The following SACS variants were observed in gnomAD, a reference collection of about 807,000 sequenced individuals.
The protein encoded by SACS is sacsin molecular chaperone.
In SACS, 197 loss-of-function variants were observed where a neutral mutation model predicts 348.0. The ratio of observed to expected loss-of-function variants is 0.57; its 90% CI spans 0.50 to 0.64. The LOEUF is 0.64. Ranked by LOEUF, SACS falls within the 30% of genes least tolerant of loss-of-function variation. The probability of loss-of-function intolerance (pLI) is 0.00; values close to 1 mark genes in which losing one functional copy is unlikely to be tolerated. For missense variants in SACS, 4,999 were observed against 5,360.8 expected (o/e 0.93, Z 2.11); for synonymous variants, 1,985 against 1,910.6 (o/e 1.04, Z -1.02).
chr13:23,356,487 A>C (rs1417992782), intron 7 of SACS, among the ~76,000 whole-genome samples: 1 of 152,242 alleles, frequency 6.6e-6, no homozygotes, highest in African/African-American at 2.4e-5. Flanking sequence ...CATTCCCTCA[A>C]GGGGTCTTAA....
intron 2 of SACS, among the ~76,000 whole-genome samples, chr13:23,382,196 C>G (rs1001222938): frequency 3.3e-5 from 5 of 152,256 alleles, no homozygotes; most frequent in Admixed American, 3.3e-4. Flanking sequence ...CTTTGTTGCC[C>G]AGGCTGGAGT....
At chr13:23,362,991 C>A (rs939983499) in intron 6 of SACS, among the ~76,000 whole-genome samples, 5 of 151,544 alleles carry the variant, frequency 3.3e-5, no homozygotes, top group Admixed American at 6.6e-5. Flanking sequence ...CTCACTGCAA[C>A]CTCTGCCTCC....
In SACS at chr13:23,354,837, T is replaced by C. The variant is rs140648928; in HGVS notation, c.1775A>G (p.Asn592Ser). The C allele has an allele frequency of 1.5e-5, 24 of 1,614,242 alleles. No individual in the cohort carries two copies. Among genetic ancestry groups the C allele is most frequent in the African/African-American group, 4.0e-5 (3 of 75,060 alleles). The change falls in exon 8 of 10, where the codon AAC (asparagine) becomes AGC (serine). Residue 592 changes from asparagine to serine, a missense_variant. Physicochemically the swap from Asn to Ser is conservative, Grantham distance 46. Transcript: ENST00000382292. ...ENLEYTKTVL[N>S]YLQSSGKQIA... ...CTGCTTCCCTGAGCTCTGGAGGTAG[T>C]TGAGCACAGTTTTTGTGTATTCTAA...
intron 5 of SACS, among the ~76,000 whole-genome samples, chr13:23,367,233 C>G (rs1379762831): frequency 6.6e-6 from 1 of 152,206 alleles, no homozygotes; most frequent in Non-Finnish European, 1.5e-5. Context: ...TTTTTGAATT[C>G]GCTTTCTGTG....
chr13:23,359,282 T>A (rs922338755), intron 6 of SACS, among the ~76,000 whole-genome samples: 4 of 152,206 alleles, frequency 2.6e-5, no homozygotes, highest in African/African-American at 9.7e-5. Context: ...CATTTTACTA[T>A]ACACACACAC....
chr13:23,356,645 C>A (rs1209868569), intron 7 of SACS, among the ~76,000 whole-genome samples: 1 of 152,188 alleles, frequency 6.6e-6, no homozygotes, highest in Non-Finnish European at 1.5e-5. Context: ...CAACCAAGGA[C>A]AGAGTAGTAT....
intron 9 of SACS, among the ~76,000 whole-genome samples, chr13:23,347,008 T>C (rs1475832043): frequency 6.6e-6 from 1 of 152,180 alleles, no homozygotes; most frequent in Non-Finnish European, 1.5e-5. Context: ...AATACACATC[T>C]AAGATTTAAA....
chr13:23,428,500 G>C (rs1373695110), intron 1 of SACS: 1 of 152,152 alleles, frequency 6.6e-6, no homozygotes, highest in Non-Finnish European at 1.5e-5. Flanking sequence ...ACCTGTGTTG[G>C]CATAGTGTGC....
At chr13:23,388,518 T>C (rs9552940) in intron 2 of SACS, among the ~76,000 whole-genome samples, 23,909 of 144,034 alleles carry the variant, frequency 0.17, 2,205 homozygotes, top group South Asian at 0.32. Context: ...TACACACACA[T>C]ACCACAGGCT....
In SACS at chr13:23,341,051, G is replaced by A. The variant is rs754478487; in HGVS notation, c.2825C>T (p.Thr942Ile). The A allele has an allele frequency of 9.9e-6, 16 of 1,614,018 alleles. No homozygotes were observed. The highest frequency in any genetic ancestry group is 1.4e-5 in the Non-Finnish European group (16 of 1,179,964). The change falls in exon 10 of 10, where the codon ACA (threonine) becomes ATA (isoleucine). Residue 942 changes from threonine to isoleucine, a missense_variant. Physicochemically the swap from Thr to Ile is moderately conservative, Grantham distance 89. Coordinates refer to ENST00000382292, the MANE Select transcript of SACS (RefSeq NM_014363.6). ...HSSDQGISSY[T>I]KLKGCKVLHH... ...TAAGACTTTACAACCTTTCAATTTT[G>A]TATAAGAGGAAATTCCCTGATCAGA...
intron 1 of SACS, among the ~76,000 whole-genome samples, chr13:23,416,143 A>G (rs1237858374): frequency 6.6e-6 from 1 of 151,880 alleles, no homozygotes; most frequent in Non-Finnish European, 1.5e-5. Flanking sequence ...TTAGCCGGGC[A>G]TGGTGGTGTG....
chr13:23,392,837 C>A (rs992939380), intron 2 of SACS, among the ~76,000 whole-genome samples: 3 of 152,158 alleles, frequency 2.0e-5, no homozygotes, highest in East Asian at 3.8e-4. Context: ...AAGACAGGCC[C>A]TTCTCTCCCC....
chr13:23,370,759 T>A (rs1326541473), intron 4 of SACS, among the ~76,000 whole-genome samples: 3 of 152,144 alleles, frequency 2.0e-5, no homozygotes, highest in Admixed American at 2.0e-4. Context: ...GGTCAGGAGT[T>A]CAAGACCAGC....
At chr13:23,396,590 G>A (rs1051726353) in intron 2 of SACS, among the ~76,000 whole-genome samples, 3 of 152,046 alleles carry the variant, frequency 2.0e-5, no homozygotes, top group Admixed American at 2.0e-4. Context: ...AAGAACAAAT[G>A]TGTAAGTAAA....
chr13:23,338,451 A>T lies in SACS; in HGVS notation c.5425T>A (p.Ser1809Thr). The change falls in exon 10 of 10, where the codon TCA becomes ACA. Residue 1809 changes from serine to threonine, a missense_variant. Ser to Thr is a moderately conservative substitution (Grantham distance 58). Transcript: ENST00000382292. Reference sequence around the variant, plus strand: ...GTGGTACACTCTACTGTTTTCTGTGACAACTCATCTGATGGCTTTTTTGAT... The same window carrying T: ...GTGGTACACTCTACTGTTTTCTGTGTCAACTCATCTGATGGCTTTTTTGAT... ...GQSKKPSDEL[S>T]QKTVECTTWL... The T allele has an allele frequency of 1.9e-6, 3 of 1,614,174 alleles. No individual in the cohort carries two copies. The highest frequency in any genetic ancestry group is 2.5e-6 in the Non-Finnish European group (3 of 1,180,020).
In SACS at chr13:23,355,984, C is replaced by T; in HGVS notation, c.628G>A (p.Asp210Asn). The T allele has an allele frequency of 6.2e-7, 1 of 1,613,584 alleles. No individual in the cohort carries two copies. The highest frequency in any genetic ancestry group is 8.5e-7 in the Non-Finnish European group (1 of 1,179,872). Reference sequence around the variant, plus strand: ...TGAGGATCTAGCATCCCGATTTGGTCACCACTAAAGATACAAGGAACATCT... The same window carrying T: ...TGAGGATCTAGCATCCCGATTTGGTTACCACTAAAGATACAAGGAACATCT... ...ITDVPCIFSG[D>N]QIGMLDPHQT... The change falls in exon 8 of 10, where the codon GAC (aspartate) becomes AAC (asparagine). Residue 210 changes from aspartate to asparagine, a missense_variant. Physicochemically the swap from Asp to Asn is conservative, Grantham distance 23. This residue lies in a region of SACS where 3,156 missense variants were observed against 3,380.1 expected (regional missense o/e 0.93). Coordinates refer to ENST00000382292, the MANE Select transcript of SACS (RefSeq NM_014363.6).
At chr13:23,384,855 A>G (rs1872208105) in intron 2 of SACS, among the ~76,000 whole-genome samples, 1 of 152,252 alleles carries the variant, frequency 6.6e-6, no homozygotes, top group African/African-American at 2.4e-5. Flanking sequence ...AATATAATGA[A>G]TATCACAATA....
intron 1 of SACS, among the ~76,000 whole-genome samples, chr13:23,431,347 A>G (rs1270142821): frequency 1.3e-5 from 2 of 152,220 alleles, no homozygotes; most frequent in South Asian, 2.1e-4. Flanking sequence ...GCTTTTCCCA[A>G]CTTCGCTATG....
rs1868840151 is a variant in SACS at position 23,338,167 on chromosome 13, A to G, written c.5709T>C (p.Asp1903=). ...TSNRKEIWKT[D]TKGRWNTTFM... is the part of the protein sequence containing the mutation. Reference sequence around the variant, plus strand: ...ACGTGGTATTCCATCGTCCTTTTGTATCTGTTTTCCAGATTTCTTTCCTAT... The same window carrying G: ...ACGTGGTATTCCATCGTCCTTTTGTGTCTGTTTTCCAGATTTCTTTCCTAT... The change falls in exon 10 of 10, where the codon GAT becomes GAC. Residue 1903 remains aspartate, a synonymous_variant. Transcript: ENST00000382292. The G allele has an allele frequency of 1.2e-6, 2 of 1,614,018 alleles. No homozygotes were observed. Among genetic ancestry groups the G allele is most frequent in the African/African-American group, 1.3e-5 (1 of 74,912 alleles).
Sources: allele counts gnomAD v4.1 joint callset (sites outside exome capture counted in the v4.1 genomes callset), GRCh38; gene constraint gnomAD v4.1.1; regional missense constraint gnomAD v4.1.1; transcripts MANE v1.5; gene names NCBI Gene and HGNC (gene_info 2026-07-23, HGNC 2026-07-21).